The following ASTN2 variants were observed in gnomAD, a reference collection of about 807,000 sequenced individuals.
ASTN2 encodes astrotactin-2.
In ASTN2, 54 loss-of-function variants were observed where a neutral mutation model predicts 139.8. The ratio of observed to expected loss-of-function variants is 0.39; its 90% CI spans 0.31 to 0.48. The LOEUF is 0.48. Among genes scored for constraint, ASTN2 ranks in the 20% least tolerant of loss-of-function variants. The probability of loss-of-function intolerance (pLI) is 0.95; values close to 1 mark genes in which losing one functional copy is unlikely to be tolerated. For missense variants in ASTN2, 1,565 were observed against 1,725.1 expected, an observed-to-expected ratio of 0.91 and a Z score of 1.64; for synonymous variants, 756 against 719.5, an observed-to-expected ratio of 1.05 and a Z score of -0.81.
intron 10 of ASTN2, among the ~76,000 whole-genome samples, chr9:116,880,283 A>G (rs983393689): frequency 2.6e-5 from 4 of 152,134 alleles, no homozygotes; most frequent in African/African-American, 9.7e-5. Flanking sequence ...ATTTCATGAA[A>G]CTCCAGCATA....
chr9:117,357,132 G>T (rs542296870), intron 1 of ASTN2, among the ~76,000 whole-genome samples: 1 of 152,270 alleles, frequency 6.6e-6, no homozygotes, highest in East Asian at 1.9e-4. Context: ...ATCAGGTACA[G>T]TGTCCAGGGC....
In ASTN2 at chr9:116,465,285, T is replaced by G. The variant is rs564918209; in HGVS notation, c.3497+22074A>C. On this transcript the variant is annotated intron_variant, in intron 20 of 22. Coordinates refer to ENST00000313400, the MANE Select transcript of ASTN2 (RefSeq NM_001365068.1). ...GAGCCCCAGCCACCAACCGGCTCCC[T>G]TTGCCCCATGAAGATAAGCCTTTCT... 1.2e-4 allele frequency among the ~76,000 whole-genome samples: 18 copies of G among 152,284 alleles called. 1 individual carries two copies. The highest frequency in any genetic ancestry group is 4.3e-4 in the African/African-American group (18 of 41,582).
chr9:116,803,542 T>A (rs1357689638), intron 13 of ASTN2, among the ~76,000 whole-genome samples: 1 of 128,472 alleles, frequency 7.8e-6, no homozygotes, highest in East Asian at 2.3e-4. Context: ...TTTTTTTTTT[T>A]TAGACGGAGT....
chr9:117,186,434 C>T (rs1831200924), intron 3 of ASTN2, among the ~76,000 whole-genome samples: 1 of 152,078 alleles, frequency 6.6e-6, no homozygotes, highest in Non-Finnish European at 1.5e-5. Flanking sequence ...GTAGTCCCAG[C>T]TACTCGGGAG....
intron 19 of ASTN2, among the ~76,000 whole-genome samples, chr9:116,565,388 C>CAT (rs1164878126): frequency 0.01 from 341 of 33,862 alleles, 3 homozygotes; most frequent in African/African-American, 0.014. Flanking sequence ...TCTCTCTCTC[C>CAT]ATATATATAT....
intron 3 of ASTN2, among the ~76,000 whole-genome samples, chr9:117,163,905 G>T (rs1461136507): frequency 6.6e-6 from 1 of 152,008 alleles, no homozygotes; most frequent in East Asian, 1.9e-4. Context: ...ACAGGCAAAG[G>T]CCATATTTGT....
chr9:117,172,145 A>G (rs1830809506), intron 3 of ASTN2, among the ~76,000 whole-genome samples: 1 of 152,168 alleles, frequency 6.6e-6, no homozygotes, highest in South Asian at 2.1e-4. Context: ...GTACAAAAAA[A>G]TGAAACATAA....
At chr9:117,050,336 T>C (rs1027659476) in intron 5 of ASTN2, among the ~76,000 whole-genome samples, 1 of 152,176 alleles carries the variant, frequency 6.6e-6, no homozygotes, top group African/African-American at 2.4e-5. Context: ...CAGTGGACTT[T>C]GGCCCACACT....
chr9:116,511,059 G>A, intron 19 of ASTN2, among the ~76,000 whole-genome samples: 1 of 152,160 alleles, frequency 6.6e-6, no homozygotes, highest in East Asian at 1.9e-4. Flanking sequence ...AGTGGTGAGA[G>A]AGGGCATCCC....
intron 1 of ASTN2, among the ~76,000 whole-genome samples, chr9:117,376,395 C>T (rs189587119): frequency 1.3e-5 from 2 of 152,212 alleles, no homozygotes; most frequent in East Asian, 1.9e-4. Context: ...CCATTTGGCA[C>T]TTTCAAATGG....
intron 19 of ASTN2, among the ~76,000 whole-genome samples, chr9:116,537,560 G>A (rs9942928): frequency 0.17 from 25,491 of 152,158 alleles, 2,399 homozygotes; most frequent in African/African-American, 0.24. Context: ...AGCCCTGGAA[G>A]GTGAATAATT....
intron 19 of ASTN2, among the ~76,000 whole-genome samples, chr9:116,532,862 C>T (rs921805903): frequency 3.9e-5 from 6 of 152,088 alleles, no homozygotes; most frequent in African/African-American, 4.8e-5. Context: ...TTTGTTTCCA[C>T]ATGAACTTTA....
rs748092505 is a variant in ASTN2, at chr9:116,772,880, C to T, written c.2396+32752G>A. ...TAGCTTTAGGCTAGCACTTGATTCT[C>T]ATGTCTGTTGAAAATACACCAAATG... On this transcript the variant is annotated intron_variant, in intron 13 of 22. Coordinates refer to ENST00000313400, the MANE Select transcript of ASTN2 (RefSeq NM_001365068.1). 1.0e-3 allele frequency among the ~76,000 whole-genome samples: 156 copies of T among 152,140 alleles called. 2 individuals are homozygous for T. The highest frequency in any genetic ancestry group is 3.8e-4 in the Non-Finnish European group (26 of 68,024).
intron 20 of ASTN2, among the ~76,000 whole-genome samples, chr9:116,455,973 A>G (rs1393130919): frequency 2.0e-5 from 3 of 152,136 alleles, no homozygotes; most frequent in African/African-American, 7.2e-5. Context: ...AGTGATGCCC[A>G]CTCTCATCAC....
chr9:116,812,076 A>AGT (rs1179060423), intron 12 of ASTN2, among the ~76,000 whole-genome samples: 3 of 152,134 alleles, frequency 2.0e-5, no homozygotes, highest in South Asian at 4.2e-4. Flanking sequence ...TGTGTCTCTG[A>AGT]GTGTGTGTGT....
intron 19 of ASTN2, among the ~76,000 whole-genome samples, chr9:116,557,952 T>C (rs1054242556): frequency 1.3e-5 from 2 of 152,178 alleles, no homozygotes; most frequent in Non-Finnish European, 2.9e-5. Flanking sequence ...GAATATACAT[T>C]GTTCGATTTT....
At chr9:117,119,262 C>A (rs1210469317) in intron 4 of ASTN2, among the ~76,000 whole-genome samples, 1 of 152,176 alleles carries the variant, frequency 6.6e-6, no homozygotes, top group Non-Finnish European at 1.5e-5. Context: ...TGGAAACTCA[C>A]CTGTTTGTTT....
At chr9:116,667,566 G>C (rs575480521) in intron 16 of ASTN2, among the ~76,000 whole-genome samples, 1 of 152,218 alleles carries the variant, frequency 6.6e-6, no homozygotes, top group African/African-American at 2.4e-5. Context: ...TTCTCTCCTT[G>C]TGTGTACTTA....
chr9:116,744,080 G>A (rs140119264), intron 13 of ASTN2, among the ~76,000 whole-genome samples: 1,700 of 152,232 alleles, frequency 0.011, 14 homozygotes, highest in Non-Finnish European at 0.016. Flanking sequence ...ATTGGGAGGG[G>A]TTAACAAGGG....
Sources: allele counts gnomAD v4.1 joint callset (sites outside exome capture counted in the v4.1 genomes callset), GRCh38; gene constraint gnomAD v4.1.1; transcripts MANE v1.5; gene names NCBI Gene and HGNC (gene_info 2026-07-23, HGNC 2026-07-21).